EPHA6: variants seen among roughly 807,000 people sequenced by gnomAD.
The protein encoded by EPHA6 is EPH receptor A6.
EPHA6 carries 50 observed loss-of-function variants against 112.0 expected under a neutral mutation model. That is an observed-to-expected ratio of 0.45 (90% CI 0.36 to 0.56). The LOEUF is 0.56. Ranked by LOEUF, EPHA6 falls within the 20% of genes least tolerant of loss-of-function variation. EPHA6 has a pLI of 0.00. For synonymous variants in EPHA6, 529 were observed against 490.7 expected (o/e 1.08, Z -1.03); for missense variants, 1,280 against 1,417.4 (o/e 0.90, Z 1.56).
At chr3:97,156,396 A>G (rs2076290172) in intron 3 of EPHA6, among the ~76,000 whole-genome samples, 1 of 152,174 alleles carries the variant, frequency 6.6e-6, no homozygotes, top group Non-Finnish European at 1.5e-5. Context: ...AATAAAATCA[A>G]TGTTAGGCAG....
At chr3:97,485,709 T>G (rs2091683354) in intron 10 of EPHA6, among the ~76,000 whole-genome samples, 1 of 152,128 alleles carries the variant, frequency 6.6e-6, no homozygotes, top group Non-Finnish European at 1.5e-5. Flanking sequence ...TTGAGAAGAG[T>G]GATTGAATTA....
chr3:97,508,852 C>T (rs182962640), intron 10 of EPHA6, among the ~76,000 whole-genome samples: 2 of 152,088 alleles, frequency 1.3e-5, no homozygotes, highest in East Asian at 1.9e-4. Flanking sequence ...GTATTAGGTG[C>T]ATATATATTT....
chr3:97,280,589 T>C (rs2080252940), intron 5 of EPHA6, among the ~76,000 whole-genome samples: 1 of 152,202 alleles, frequency 6.6e-6, no homozygotes, highest in South Asian at 2.1e-4. Context: ...ATTATCTCTA[T>C]GGTCTCTTCG....
At chr3:96,815,701 T>G (rs971126696) in intron 1 of EPHA6, among the ~76,000 whole-genome samples, 2 of 152,040 alleles carry the variant, frequency 1.3e-5, no homozygotes, top group African/African-American at 4.8e-5. Context: ...TTTCGGTGGG[T>G]AAAGTGGTAA....
At chr3:97,633,644 A>G (rs2093922396) in intron 13 of EPHA6, among the ~76,000 whole-genome samples, 1 of 152,144 alleles carries the variant, frequency 6.6e-6, no homozygotes, top group Non-Finnish European at 1.5e-5. Flanking sequence ...AGTCTGTTTT[A>G]TACGAGACAA....
At chr3:97,641,617 T>C (rs993774083) in intron 14 of EPHA6, among the ~76,000 whole-genome samples, 2 of 152,202 alleles carry the variant, frequency 1.3e-5, no homozygotes, top group African/African-American at 4.8e-5. Context: ...GAGCGAGGCA[T>C]TGCCTCCCTT....
At chr3:97,541,776 T>TTG (rs2092857825) in intron 11 of EPHA6, among the ~76,000 whole-genome samples, 2 of 141,536 alleles carry the variant, frequency 1.4e-5, no homozygotes, top group Admixed American at 1.4e-4. Flanking sequence ...TGTTGTTGTT[T>TTG]TTAATTTTTA....
chr3:97,216,173 G>A (rs1375418845), intron 3 of EPHA6, among the ~76,000 whole-genome samples: 2 of 152,150 alleles, frequency 1.3e-5, no homozygotes, highest in African/African-American at 2.4e-5. Flanking sequence ...TCTGCTTCTG[G>A]TGAGGGGCTC....
intron 3 of EPHA6, among the ~76,000 whole-genome samples, chr3:97,172,093 A>G (rs943289213): frequency 2.6e-5 from 4 of 151,964 alleles, no homozygotes; most frequent in African/African-American, 9.7e-5. Context: ...TAATGGGCCA[A>G]AAAAGTGGTG....
chr3:97,179,276 T>C (rs1458279913), intron 3 of EPHA6, among the ~76,000 whole-genome samples: 1 of 152,138 alleles, frequency 6.6e-6, no homozygotes, highest in Non-Finnish European at 1.5e-5. Flanking sequence ...CTGAATTCCT[T>C]CTCTGTGTTA....
intron 11 of EPHA6, among the ~76,000 whole-genome samples, chr3:97,555,246 C>T: frequency 6.6e-6 from 1 of 152,070 alleles, no homozygotes; most frequent in Non-Finnish European, 1.5e-5. Context: ...CATGTCCCTA[C>T]AAAGGACATG....
chr3:96,918,854 AAC>A (rs777071864), intron 2 of EPHA6, among the ~76,000 whole-genome samples: 2 of 152,122 alleles, frequency 1.3e-5, no homozygotes, highest in East Asian at 1.9e-4. Context: ...TGATCAGAAA[AAC>A]ACAATTTCAG....
At chr3:97,071,943 C>G (rs944131981) in intron 3 of EPHA6, among the ~76,000 whole-genome samples, 1 of 151,928 alleles carries the variant, frequency 6.6e-6, no homozygotes, top group Admixed American at 6.6e-5. Flanking sequence ...TAGCTTAGTT[C>G]CTACTTATGA....
chr3:96,924,772 T>C (rs1055887718), intron 2 of EPHA6, among the ~76,000 whole-genome samples: 7 of 152,176 alleles, frequency 4.6e-5, no homozygotes, highest in Non-Finnish European at 7.4e-5. Context: ...GGCTGTGGGC[T>C]TGTCATATAT....
intron 2 of EPHA6, among the ~76,000 whole-genome samples, chr3:96,963,160 CAAAAAAAAAA>C (rs376176100): frequency 1.2e-5 from 1 of 85,686 alleles, no homozygotes; most frequent in South Asian, 4.4e-4. Context: ...AAACTGCATC[CAAAAAAAAAA>C]AAAAAAAAGA....
chr3:97,365,348 A>G (rs1013379799), intron 5 of EPHA6, among the ~76,000 whole-genome samples: 1 of 152,102 alleles, frequency 6.6e-6, no homozygotes, highest in East Asian at 1.9e-4. Flanking sequence ...CCCTACAGAC[A>G]TCATTAGCAA....
At chr3:97,005,228 T>C (rs1479754755) in intron 3 of EPHA6, among the ~76,000 whole-genome samples, 1 of 152,220 alleles carries the variant, frequency 6.6e-6, no homozygotes, top group Non-Finnish European at 1.5e-5. Context: ...TTTCACATTA[T>C]TGAATCTTCG....
intron 1 of EPHA6, among the ~76,000 whole-genome samples, chr3:96,849,944 A>AC (rs1365990581): frequency 3.9e-5 from 6 of 152,200 alleles, no homozygotes; most frequent in Non-Finnish European, 7.3e-5. Flanking sequence ...ATATTACGTT[A>AC]CAGGATTTTA....
chr3:97,058,077 A>C (rs1559699541), intron 3 of EPHA6, among the ~76,000 whole-genome samples: 1 of 152,224 alleles, frequency 6.6e-6, no homozygotes, highest in Non-Finnish European at 1.5e-5. Flanking sequence ...ATAGTATTTA[A>C]GACCATTGCA....
Sources: gnomAD v4.1 joint callset for allele counts (sites outside exome capture counted in the v4.1 genomes callset) on GRCh38, gnomAD v4.1.1 for gene constraint, MANE v1.5 for transcripts, NCBI Gene and HGNC (gene_info 2026-07-23, HGNC 2026-07-21) for gene names.